Variants in CDH18 observed in about 807,000 individuals in gnomAD.
CDH18 encodes the protein cadherin 18.
Under a neutral mutation model 67.9 loss-of-function variants are expected in CDH18, and 31 were observed. That is an observed-to-expected ratio of 0.46 (90% CI 0.34 to 0.62). CDH18 has a LOEUF of 0.62. Ranked by LOEUF, CDH18 falls within the 20% of genes least tolerant of loss-of-function variation. CDH18 has a pLI of 0.01. For missense variants in CDH18, 890 were observed against 975.5 expected, an observed-to-expected ratio of 0.91 and a Z score of 1.17; for synonymous variants, 362 against 347.2, an observed-to-expected ratio of 1.04 and a Z score of -0.48.
chr5:19,769,662 C>A (rs1244402390), intron 3 of CDH18, among the ~76,000 whole-genome samples: 1 of 151,938 alleles, frequency 6.6e-6, no homozygotes, highest in Non-Finnish European at 1.5e-5. Context: ...AAATGAAACA[C>A]AAATGTAAAT....
intron 2 of CDH18, among the ~76,000 whole-genome samples, chr5:19,840,413 G>C (rs1782169294): frequency 6.6e-6 from 1 of 152,008 alleles, no homozygotes; most frequent in African/African-American, 2.4e-5. Context: ...AAGAATGACT[G>C]AAATTTGGGC....
At chr5:19,542,610 A>T (rs1158004423) in intron 9 of CDH18, among the ~76,000 whole-genome samples, 1 of 152,212 alleles carries the variant, frequency 6.6e-6, no homozygotes, top group African/African-American at 2.4e-5. Flanking sequence ...CACATACTAT[A>T]ATATGCATAC....
intron 2 of CDH18, among the ~76,000 whole-genome samples, chr5:20,019,979 T>G (rs1250011952): frequency 6.6e-6 from 1 of 152,182 alleles, no homozygotes; most frequent in Non-Finnish European, 1.5e-5. Context: ...TAGTCTCAGA[T>G]AGAGATGAGG....
rs551152409 is a variant in CDH18, at chr5:19,711,163, A to C, written c.643+10184T>G. 8.5e-5 allele frequency among the ~76,000 whole-genome samples: 13 copies of C among 152,156 alleles called. No homozygotes were observed. In the South Asian group the frequency reaches 2.1e-3, roughly 24 times the overall value. On this transcript the variant is annotated intron_variant, in intron 5 of 12. Transcript: ENST00000382275. ...AATACTAGAAGAAAACCTGGGACAA[A>C]CTCATCTAGACATTGGCTCAGGCAA...
intron 2 of CDH18, among the ~76,000 whole-genome samples, chr5:20,134,523 CT>C (rs1749535672): frequency 6.6e-6 from 1 of 152,052 alleles, no homozygotes; most frequent in Non-Finnish European, 1.5e-5. Context: ...GTTGTAACAT[CT>C]TTTATATTTT....
upstream of CDH18, among the ~76,000 whole-genome samples, chr5:19,988,836 G>A (rs891112326): frequency 1.3e-5 from 2 of 152,082 alleles, no homozygotes; most frequent in Non-Finnish European, 2.9e-5. Context: ...GTCCTTTAAC[G>A]CCTTCACCCA....
chr5:19,875,424 A>G (rs1786844715), intron 2 of CDH18, among the ~76,000 whole-genome samples: 1 of 150,122 alleles, frequency 6.7e-6, no homozygotes, highest in South Asian at 2.1e-4. Flanking sequence ...AGATAGATAG[A>G]TAGATAGATA....
At chr5:20,425,328 G>A (rs936249534) in intron 1 of CDH18, among the ~76,000 whole-genome samples, 1 of 150,148 alleles carries the variant, frequency 6.7e-6, no homozygotes, top group African/African-American at 2.5e-5. Flanking sequence ...CCAAGATTGC[G>A]CGATTGCACT....
intron 3 of CDH18, among the ~76,000 whole-genome samples, chr5:19,823,951 G>T (rs1412048049): frequency 1.3e-5 from 2 of 151,844 alleles, no homozygotes; most frequent in Non-Finnish European, 1.5e-5. Context: ...TTACATGAAA[G>T]TTAAACAACT....
chr5:20,105,491 A>G (rs1746850556), intron 2 of CDH18, among the ~76,000 whole-genome samples: 1 of 152,238 alleles, frequency 6.6e-6, no homozygotes, highest in African/African-American at 2.4e-5. Context: ...GGTGCTAAGC[A>G]TGTTCGCAGT....
chr5:19,999,783 A>G (rs1736298334), intron 2 of CDH18, among the ~76,000 whole-genome samples: 1 of 152,208 alleles, frequency 6.6e-6, no homozygotes, highest in Non-Finnish European at 1.5e-5. Context: ...CAGAGCATTA[A>G]TACCAAGCAT....
At chr5:20,567,410 T>C (rs1758577541) in intron 1 of CDH18, among the ~76,000 whole-genome samples, 1 of 142,398 alleles carries the variant, frequency 7.0e-6, no homozygotes, top group Non-Finnish European at 1.6e-5. Flanking sequence ...ATTGAGAATA[T>C]GAGAACCTAA....
At chr5:19,692,700 G>A (rs1039283533) in intron 5 of CDH18, among the ~76,000 whole-genome samples, 3 of 151,784 alleles carry the variant, frequency 2.0e-5, no homozygotes, top group African/African-American at 7.3e-5. Flanking sequence ...ACCCCAGTTA[G>A]AATGGCTATT....
chr5:20,131,390 C>A, intron 2 of CDH18, among the ~76,000 whole-genome samples: 1 of 151,908 alleles, frequency 6.6e-6, no homozygotes, highest in Non-Finnish European at 1.5e-5. Context: ...TCTATGCAAC[C>A]CACATATATA....
In CDH18 at chr5:20,085,780, G is replaced by A. The variant is rs535599228; in HGVS notation, c.-517-93766C>T. Among the ~76,000 whole-genome samples, 8 of 152,226 alleles carry A rather than the reference G, an allele frequency of 5.3e-5. No individual in the cohort carries two copies. In the East Asian group the frequency reaches 1.2e-3, roughly 22 times the overall value. On this transcript the variant is annotated intron_variant, in intron 2 of 14. Transcript: ENST00000507958. ...ATTCACTATCATGAGAACAGCATGA[G>A]AAAGACTTGCCCCCATGATTCAATT...
intron 2 of CDH18, among the ~76,000 whole-genome samples, chr5:19,861,299 T>A (rs902994937): frequency 3.3e-5 from 5 of 149,400 alleles, no homozygotes; most frequent in Admixed American, 6.7e-5. Flanking sequence ...GGTTTTTTTT[T>A]ATATCTGGGG....
At chr5:19,581,374 C>A (rs979814293) in intron 7 of CDH18, among the ~76,000 whole-genome samples, 24 of 152,072 alleles carry the variant, frequency 1.6e-4, no homozygotes, top group African/African-American at 5.3e-4. Context: ...TCCCATCAAT[C>A]GTTTCCCAGC....
intron 1 of CDH18, among the ~76,000 whole-genome samples, chr5:20,356,447 C>T (rs73056793): frequency 0.2 from 30,980 of 151,880 alleles, 5,684 homozygotes; most frequent in East Asian, 0.52. Context: ...CTCAAATGCA[C>T]ATGGAAGAAA....
intron 2 of CDH18, among the ~76,000 whole-genome samples, chr5:20,081,691 G>T (rs1003551426): frequency 6.6e-6 from 1 of 152,024 alleles, no homozygotes; most frequent in East Asian, 1.9e-4. Flanking sequence ...ACTAACACAC[G>T]AATAGAAAAC....
Sources: allele counts gnomAD v4.1 joint callset (sites outside exome capture counted in the v4.1 genomes callset), GRCh38; gene constraint gnomAD v4.1.1; transcripts MANE v1.5; gene names NCBI Gene and HGNC (gene_info 2026-07-23, HGNC 2026-07-21).